PDE12: variants seen among roughly 807,000 people sequenced by gnomAD.
PDE12 encodes phosphodiesterase 12, also known as 2',5'-phosphodiesterase 12.
In PDE12, 26 loss-of-function variants were observed where a neutral mutation model predicts 45.4. The observed-to-expected ratio is 0.57, with a 90% CI of 0.42 to 0.79. PDE12 has a LOEUF of 0.79. PDE12 is among the 30% of genes least tolerant of loss of function. The probability of loss-of-function intolerance (pLI) is 0.00; values close to 1 mark genes in which losing one functional copy is unlikely to be tolerated. For missense variants in PDE12, 668 were observed against 790.0 expected, an observed-to-expected ratio of 0.85 and a Z score of 1.85; for synonymous variants, 283 against 323.9, an observed-to-expected ratio of 0.87 and a Z score of 1.36.
At position 57,566,271 on chromosome 3, in the gene PDE12, C is replaced by G. The variant is rs2069786059; in HGVS notation, c.*6267C>G. ...TTATGTAGTCTTTTGTGACTGGCTT[C>G]TTTTACTTAGGATGTTTTTAAGGTT... On this transcript the variant is annotated 3_prime_UTR_variant, in exon 3 of 3. Transcript: ENST00000311180. The G allele has an allele frequency of 6.6e-6, 1 of 152,094 alleles. No individual in the cohort carries two copies. The highest frequency in any genetic ancestry group is 1.5e-5 in the Non-Finnish European group (1 of 68,012). The allele number at this position is 152,094 out of a possible 1,614,324, so 9.4% of individuals were successfully genotyped here.
the PDE12 span, among the ~76,000 whole-genome samples, chr3:57,587,015 T>G: frequency 1.1e-4 from 16 of 151,916 alleles, no homozygotes; most frequent in Non-Finnish European, 2.1e-4. Flanking sequence ...GGACCTCAGA[T>G]TGTCATTTAA....
chr3:57,586,342 T>TA, the PDE12 span, among the ~76,000 whole-genome samples: 2 of 152,172 alleles, frequency 1.3e-5, no homozygotes, highest in East Asian at 1.9e-4. Context: ...GCTAGTAAGT[T>TA]AAAAAAGAGC....
At chr3:57,647,427 A>T in the PDE12 span, among the ~76,000 whole-genome samples, 1 of 152,116 alleles carries the variant, frequency 6.6e-6, no homozygotes, top group Non-Finnish European at 1.5e-5. Flanking sequence ...TTGACCAGGG[A>T]GGCGTGTCAG....
the PDE12 span, among the ~76,000 whole-genome samples, chr3:57,578,346 G>A: frequency 1.3e-5 from 2 of 150,754 alleles, no homozygotes; most frequent in Admixed American, 1.3e-4. Flanking sequence ...CTGGAGCCCA[G>A]CAGTTTGAGA....
the PDE12 span, among the ~76,000 whole-genome samples, chr3:57,604,549 G>C: frequency 1.4e-5 from 2 of 143,830 alleles, no homozygotes; most frequent in African/African-American, 5.2e-5. Flanking sequence ...AGGAGTTAGA[G>C]TCTAGCCTGG....
chr3:57,633,695 C>G, the PDE12 span, among the ~76,000 whole-genome samples: 1 of 152,100 alleles, frequency 6.6e-6, no homozygotes, highest in African/African-American at 2.4e-5. Context: ...TCAGGACCAG[C>G]CTGGCCATCA....
rs1254673799 is a variant in PDE12 at position 57,561,413 on chromosome 3, G to A, written c.*1409G>A. 5.2e-6 allele frequency: 5 copies of A among 969,420 alleles called. No homozygotes were observed. In the East Asian group the frequency reaches 5.7e-4, roughly 111 times the overall value. The allele number at this position is 969,420 out of a possible 1,614,324, so 60.1% of individuals were successfully genotyped here. On this transcript the variant is annotated 3_prime_UTR_variant, in exon 3 of 3. Transcript: ENST00000311180. ...TATAGTTTGAGTTACAGACAACAGT[G>A]TGTATATATGTAATATATATATAGT...
the PDE12 span, among the ~76,000 whole-genome samples, chr3:57,588,562 G>A: frequency 6.7e-6 from 1 of 148,768 alleles, no homozygotes; most frequent in Admixed American, 6.8e-5. Context: ...ACAAAAATTA[G>A]CCAGGTGTGA....
At chr3:57,605,305 T>C in the PDE12 span, among the ~76,000 whole-genome samples, 1 of 152,128 alleles carries the variant, frequency 6.6e-6, no homozygotes, top group Non-Finnish European at 1.5e-5. Flanking sequence ...TTCCTTAGAA[T>C]ATTCAGCAGA....
At chr3:57,626,709 CA>C in the PDE12 span, 145 of 136,644 alleles carry the variant, frequency 1.1e-3, no homozygotes, top group Non-Finnish European at 1.2e-3. Context: ...AACTCCATCT[CA>C]AAAAAAAAAA....
the PDE12 span, among the ~76,000 whole-genome samples, chr3:57,624,695 T>C: frequency 4.0e-5 from 6 of 150,692 alleles, no homozygotes; most frequent in African/African-American, 1.5e-4. Context: ...ACCTGGGAGG[T>C]GGAGATTGCA....
intron 1 of PDE12, 59 bp downstream of exon 1, chr3:57,557,746 G>A (rs1253420000): frequency 3.4e-6 from 5 of 1,464,082 alleles, no homozygotes; most frequent in Non-Finnish European, 4.7e-6. Flanking sequence ...CCAGGAAGGC[G>A]AGGAATGAGG....
chr3:57,632,253 T>C, the PDE12 span, among the ~76,000 whole-genome samples: 2 of 151,662 alleles, frequency 1.3e-5, no homozygotes, highest in African/African-American at 4.8e-5. Flanking sequence ...CTCGATCTCC[T>C]GACCTCGTGA....
At chr3:57,618,627 T>TTG in the PDE12 span, among the ~76,000 whole-genome samples, 63 of 136,908 alleles carry the variant, frequency 4.6e-4, 2 homozygotes, top group Middle Eastern at 8.1e-3. Flanking sequence ...TTTTTTTTTT[T>TTG]GAGATGGAGT....
chr3:57,577,364 G>A, the PDE12 span: 3 of 1,613,114 alleles, frequency 1.9e-6, no homozygotes, highest in East Asian at 6.7e-5. Flanking sequence ...CACGATCGTT[G>A]CTATCTACCA....
the PDE12 span, among the ~76,000 whole-genome samples, chr3:57,641,323 T>C: frequency 6.9e-6 from 1 of 144,612 alleles, no homozygotes; most frequent in African/African-American, 2.5e-5. Flanking sequence ...ATATTCAATA[T>C]ATTATATTAA....
chr3:57,605,270 CAGAA>C, the PDE12 span, among the ~76,000 whole-genome samples: 2 of 152,122 alleles, frequency 1.3e-5, no homozygotes, highest in East Asian at 1.9e-4. Context: ...GAGAGCAGCA[CAGAA>C]AGAGAGAGAG....
chr3:57,569,058 C>T (rs920866640), downstream of PDE12, among the ~76,000 whole-genome samples: 9 of 152,036 alleles, frequency 5.9e-5, no homozygotes, highest in Non-Finnish European at 5.9e-5. Flanking sequence ...ACAATAGGGG[C>T]GGTCACAGAG....
chr3:57,604,057 G>A, the PDE12 span, among the ~76,000 whole-genome samples: 2 of 151,798 alleles, frequency 1.3e-5, no homozygotes, highest in East Asian at 3.9e-4. Flanking sequence ...CCAAGTAGCT[G>A]AGATTACAGG....
Sources: allele counts gnomAD v4.1 joint callset (sites outside exome capture counted in the v4.1 genomes callset), GRCh38; gene constraint gnomAD v4.1.1; transcripts MANE v1.5; gene names NCBI Gene and HGNC (gene_info 2026-07-23, HGNC 2026-07-21).